The following MYT1 variants were observed in gnomAD, a reference collection of about 807,000 sequenced individuals.
MYT1 encodes the protein myelin transcription factor 1, also known as myelin transcription factor I.
A neutral mutation model predicts 123.0 loss-of-function variants in MYT1; 23 were observed. The observed-to-expected ratio is 0.19, with a 90% CI of 0.13 to 0.26. The LOEUF (loss-of-function observed/expected upper bound fraction) is 0.26. MYT1 is among the 10% of genes least tolerant of loss of function. The pLI, the probability that MYT1 is intolerant of heterozygous loss-of-function variation, is 1.00. For synonymous variants in MYT1, 518 were observed against 575.3 expected, an observed-to-expected ratio of 0.90 and a Z score of 1.43; for missense variants, 1,125 against 1,472.5, an observed-to-expected ratio of 0.76 and a Z score of 3.86.
chr20:64,219,144 A>G, intron 12 of MYT1, 109 bp downstream of exon 12: 1 of 1,384,426 alleles, frequency 7.2e-7, no homozygotes, highest in Non-Finnish European at 9.7e-7. Context: ...GCTTGTGCCT[A>G]GCTGGCAATT....
rs184770797 is a variant in MYT1, at chr20:64,185,987, G to C, written c.-98-4076G>C. Among the ~76,000 whole-genome samples the C allele has an allele frequency of 1.6e-4, 24 of 152,328 alleles. 1 individual carries two copies. The highest frequency in any genetic ancestry group is 1.1e-3 in the Admixed American group (17 of 15,302). On this transcript the variant is annotated intron_variant, in intron 1 of 22. Coordinates refer to ENST00000328439, the MANE Select transcript of MYT1 (RefSeq NM_004535.3). The surrounding 1 kb of genome is among the most constrained non-coding windows in gnomAD (Gnocchi z 4.5). ...TTGCAGTGCTGCTGAGTTGGAAAAA[G>C]AGGGCTTCATTAGGAGAAGACAGAC...
At chr20:64,171,055 G>A (rs918662750) in intron 1 of MYT1, among the ~76,000 whole-genome samples, 11 of 146,618 alleles carry the variant, frequency 7.5e-5, no homozygotes, top group Non-Finnish European at 1.5e-4. Context: ...GACTGCAGAT[G>A]CGTGCCACCA....
chr20:64,202,113 T>A lies in MYT1; in HGVS notation c.86+2191T>A, dbSNP rs1983340640. On this transcript the variant is annotated intron_variant, in intron 4 of 22. Coordinates refer to ENST00000328439, the MANE Select transcript of MYT1 (RefSeq NM_004535.3). The surrounding 1 kb of genome is among the most constrained non-coding windows in gnomAD (Gnocchi z 5.0). ...GTGGATGACTTAACACTGCATTGGC[T>A]CAGAACTTCACAGCCTGCAGTGCCC... Among the ~76,000 whole-genome samples, 1 of 152,032 alleles carries A rather than the reference T, an allele frequency of 6.6e-6. No individual in the cohort carries two copies. The highest frequency in any genetic ancestry group is 2.1e-4 in the South Asian group (1 of 4,828).
chr20:64,201,918 G>GTGTCGGGAACCCCCGCA (rs1983318481), intron 4 of MYT1, among the ~76,000 whole-genome samples: 1 of 141,080 alleles, frequency 7.1e-6, no homozygotes. Flanking sequence ...GAACCCCCGC[G>GTGTCGGGAACCCCCGCA]TGTCGGGAAC....
intron 1 of MYT1, among the ~76,000 whole-genome samples, chr20:64,184,829 T>C (rs1982751160): frequency 6.6e-6 from 1 of 152,112 alleles, no homozygotes; most frequent in Non-Finnish European, 1.5e-5. Flanking sequence ...GAAGCAGATA[T>C]TGTGGGCAGC....
Position 64,231,754 on chromosome 20 carries a change from A to G in MYT1, c.2676-410A>G, listed in dbSNP as rs1341551274. Among the ~76,000 whole-genome samples, 1 of 151,712 alleles carries G rather than the reference A, an allele frequency of 6.6e-6. No individual in the cohort carries two copies. The highest frequency in any genetic ancestry group is 2.4e-5 in the African/African-American group (1 of 41,270). ...GGCCCCCAGGCCTATGCTTGATGCA[A>G]GCTCCCAGGGAGTGGCCTCTAGGTG... On this transcript the variant is annotated intron_variant, in intron 18 of 22. Coordinates refer to ENST00000328439, the MANE Select transcript of MYT1 (RefSeq NM_004535.3). This position sits in a 1 kb window ranked among gnomAD's most constrained non-coding sequence, Gnocchi z 6.4.
At chr20:64,215,334 G>C (rs1479267661) in intron 10 of MYT1, among the ~76,000 whole-genome samples, 2 of 152,192 alleles carry the variant, frequency 1.3e-5, no homozygotes, top group Non-Finnish European at 2.9e-5. Context: ...TGAGGCTCAA[G>C]TGACACTCTG....
intron 2 of MYT1, among the ~76,000 whole-genome samples, chr20:64,195,713 C>T (rs919906722): frequency 6.6e-6 from 1 of 152,008 alleles, no homozygotes; most frequent in Admixed American, 6.6e-5. Flanking sequence ...TGTATATTTT[C>T]AAAAGAGCTT....
At chr20:64,176,674 C>G (rs1298593480) in intron 1 of MYT1, among the ~76,000 whole-genome samples, 3 of 152,240 alleles carry the variant, frequency 2.0e-5, no homozygotes, top group Non-Finnish European at 2.9e-5. Flanking sequence ...CTGCGTGGAG[C>G]AGTGTGGAGT....
At chr20:64,170,884 T>TATAGAGAGAGAG (rs1569303821) in intron 1 of MYT1, among the ~76,000 whole-genome samples, 6 of 20,006 alleles carry the variant, frequency 3.0e-4, no homozygotes, top group African/African-American at 6.9e-4. Flanking sequence ...TATATATATA[T>TATAGAGAGAGAG]AGAGAGAGAG....
In MYT1 at chr20:64,168,367, G is replaced by A. The variant is rs973777706; in HGVS notation, c.-99+3628G>A. ...CCCCAGGGTTAATGCCATTAGGAGC[G>A]TTCCTTGTGGGAAGATTGGTTTCAC... On this transcript the variant is annotated intron_variant, in intron 1 of 22. Transcript: ENST00000328439. The surrounding 1 kb of genome is among the most constrained non-coding windows in gnomAD (Gnocchi z 6.1). 5.3e-5 allele frequency among the ~76,000 whole-genome samples: 8 copies of A among 152,280 alleles called. No individual in the cohort carries two copies. The highest frequency in any genetic ancestry group is 1.9e-4 in the East Asian group (1 of 5,192).
In MYT1 at chr20:64,177,566, A is replaced by AG. The variant is rs1189267831; in HGVS notation, c.-98-12494dup. Among the ~76,000 whole-genome samples the AG allele has an allele frequency of 8.5e-4, 119 of 140,746 alleles. 1 individual carries two copies. Among genetic ancestry groups the AG allele is most frequent in the African/African-American group, 2.9e-3 (115 of 40,100 alleles). 92.3% of individuals were successfully genotyped at this position (140,746 alleles called of 152,430 possible). A position where few individuals can be genotyped will look rare whatever the true frequency, so the allele number is the denominator to read the frequency against. On this transcript the variant is annotated intron_variant, in intron 1 of 22. Coordinates refer to ENST00000328439, the MANE Select transcript of MYT1 (RefSeq NM_004535.3). ...CGGGGACAAGAGGGCACCCCTCTCC[A>AG]GGGTGGGGACAAGAGGGCACCCCTC...
Position 64,212,690 on chromosome 20 carries a change from G to A in MYT1, c.1517+552G>A, listed in dbSNP as rs1983716923. Among the ~76,000 whole-genome samples, 1 of 152,178 alleles carries A rather than the reference G, an allele frequency of 6.6e-6. No homozygotes were observed. Among genetic ancestry groups the A allele is most frequent in the South Asian group, 2.1e-4 (1 of 4,830 alleles). On this transcript the variant is annotated intron_variant, in intron 9 of 22. Transcript: ENST00000328439. This position sits in a 1 kb window ranked among gnomAD's most constrained non-coding sequence, Gnocchi z 6.8. ...CAGACATGAACAGTAACCTCGGCAG[G>A]CCAGGACTGTGCTCTGGGCTGCTTT...
At chr20:64,209,122 GAGCAGCTGGGA>G (rs1983587371) in intron 7 of MYT1, among the ~76,000 whole-genome samples, 1 of 152,174 alleles carries the variant, frequency 6.6e-6, no homozygotes, top group Non-Finnish European at 1.5e-5. Context: ...CGTGGTTGGG[GAGCAGCTGGGA>G]AGCAGCTGAT....
intron 1 of MYT1, among the ~76,000 whole-genome samples, chr20:64,183,807 A>T (rs2983450): frequency 0.11 from 16,599 of 152,102 alleles, 1,531 homozygotes; most frequent in African/African-American, 0.24. Context: ...TCTTTTCACC[A>T]TATTGATAGT....
Position 64,218,758 on chromosome 20 carries a change from C to T in MYT1, c.1847-153C>T, listed in dbSNP as rs975217858. 2.5e-4 allele frequency: 243 copies of T among 975,840 alleles called. No homozygotes were observed. In the Middle Eastern group the frequency reaches 6.1e-3, roughly 24 times the overall value. 60.4% of individuals were successfully genotyped at this position (975,840 alleles called of 1,614,324 possible). On this transcript the variant is annotated intron_variant, in intron 11 of 22. Coordinates refer to ENST00000328439, the MANE Select transcript of MYT1 (RefSeq NM_004535.3). The surrounding 1 kb of genome is among the most constrained non-coding windows in gnomAD (Gnocchi z 4.0). ...TCCCATCCCTCCCAAAGTGCCCCCTCCCCACTGACTTGTCTGCATTGCTGC... is the reference window on the plus strand; with the variant it reads ...TCCCATCCCTCCCAAAGTGCCCCCTTCCCACTGACTTGTCTGCATTGCTGC...
chr20:64,186,059 G>A lies in MYT1; in HGVS notation c.-98-4004G>A, dbSNP rs922591760. ...GCACATCTCCCTGGCCTGTGTTGGA[G>A]TCTCTGGCCAGTGAGGGGTGGTTCC... On this transcript the variant is annotated intron_variant, in intron 1 of 22. Transcript: ENST00000328439. The surrounding 1 kb of genome is among the most constrained non-coding windows in gnomAD (Gnocchi z 4.3). Among the ~76,000 whole-genome samples the A allele has an allele frequency of 6.6e-6, 1 of 152,206 alleles. No homozygotes were observed. The highest frequency in any genetic ancestry group is 1.5e-5 in the Non-Finnish European group (1 of 68,034).
intron 1 of MYT1, among the ~76,000 whole-genome samples, chr20:64,179,324 T>A (rs1048605666): frequency 6.6e-6 from 1 of 152,224 alleles, no homozygotes; most frequent in East Asian, 1.9e-4. Context: ...AACACCTGAG[T>A]GGGAGGTTCT....
chr20:64,229,095 G>A (rs1428543253), intron 18 of MYT1, among the ~76,000 whole-genome samples: 2 of 152,202 alleles, frequency 1.3e-5, no homozygotes, highest in East Asian at 3.8e-4. Context: ...AGACGGGGAT[G>A]GGCCCACCAG....
Sources: allele counts gnomAD v4.1 joint callset (sites outside exome capture counted in the v4.1 genomes callset), GRCh38; gene constraint gnomAD v4.1.1; non-coding constraint Gnocchi (gnomAD v3.1); transcripts MANE v1.5; gene names NCBI Gene and HGNC (gene_info 2026-07-23, HGNC 2026-07-21).